KCNIP4: variants seen among roughly 807,000 people sequenced by gnomAD.
The protein encoded by KCNIP4 is potassium voltage-gated channel interacting protein 4, also known as Kv channel-interacting protein 4.
KCNIP4 carries 12 observed loss-of-function variants against 34.0 expected under a neutral mutation model. That is an observed-to-expected ratio of 0.35 (90% CI 0.23 to 0.57). KCNIP4 has a LOEUF of 0.57. Among genes scored for constraint, KCNIP4 ranks in the 20% least tolerant of loss-of-function variants. KCNIP4 has a pLI of 0.83. For synonymous variants in KCNIP4, 124 were observed against 102.2 expected (o/e 1.21, Z -1.29); for missense variants, 238 against 311.7 (o/e 0.76, Z 1.78).
intron 1 of KCNIP4, among the ~76,000 whole-genome samples, chr4:21,182,164 G>A (rs1754887461): frequency 6.6e-6 from 1 of 152,118 alleles, no homozygotes; most frequent in South Asian, 2.1e-4. Context: ...CTAGCCAAGG[G>A]TATTTGACAC....
chr4:21,513,564 A>T (rs959102992), intron 1 of KCNIP4, among the ~76,000 whole-genome samples: 20 of 152,206 alleles, frequency 1.3e-4, no homozygotes, highest in Admixed American at 3.3e-4. Flanking sequence ...ATTGTGTTCA[A>T]TGTATTAAAT....
chr4:21,759,113 G>A (rs1342670895), intron 1 of KCNIP4, among the ~76,000 whole-genome samples: 1 of 152,086 alleles, frequency 6.6e-6, no homozygotes, highest in Non-Finnish European at 1.5e-5. Flanking sequence ...TGAGAGAAAA[G>A]ATCATTGACT....
intron 3 of KCNIP4, among the ~76,000 whole-genome samples, chr4:20,771,077 T>G (rs1487600677): frequency 1.3e-5 from 2 of 152,214 alleles, no homozygotes; most frequent in African/African-American, 4.8e-5. Flanking sequence ...ATGTAAATAC[T>G]ACACCATTTC....
At chr4:21,489,424 A>C (rs1441670829) in intron 1 of KCNIP4, among the ~76,000 whole-genome samples, 1 of 152,128 alleles carries the variant, frequency 6.6e-6, no homozygotes, top group African/African-American at 2.4e-5. Context: ...CTTTTCAAAA[A>C]ACCTTTATTG....
chr4:21,235,558 A>G lies in KCNIP4; in HGVS notation c.62-352849T>C, dbSNP rs187600183. On this transcript the variant is annotated intron_variant, in intron 1 of 8. Transcript: ENST00000382152. ...CAAACGTCCCTCCTCAGAGATGCCAACTTGACTGGCTTATAGTATGACCCA... is the reference window on the plus strand; with the variant it reads ...CAAACGTCCCTCCTCAGAGATGCCAGCTTGACTGGCTTATAGTATGACCCA... 2.0e-3 allele frequency among the ~76,000 whole-genome samples: 303 copies of G among 152,270 alleles called. 4 individuals are homozygous for G. The highest frequency in any genetic ancestry group is 3.7e-4 in the Non-Finnish European group (25 of 68,022).
intron 3 of KCNIP4, among the ~76,000 whole-genome samples, chr4:20,778,852 TAGAG>T (rs1476628394): frequency 6.6e-6 from 1 of 152,164 alleles, no homozygotes; most frequent in African/African-American, 2.4e-5. Flanking sequence ...TGCCAATAGT[TAGAG>T]AGAGCTGTGT....
At chr4:21,019,468 T>C (rs2032305490) in intron 1 of KCNIP4, among the ~76,000 whole-genome samples, 1 of 152,130 alleles carries the variant, frequency 6.6e-6, no homozygotes, top group South Asian at 2.1e-4. Flanking sequence ...AATAACCTCA[T>C]ATTAACGGAA....
intron 1 of KCNIP4, among the ~76,000 whole-genome samples, chr4:21,837,711 G>T (rs914656506): frequency 6.6e-6 from 1 of 151,536 alleles, no homozygotes; most frequent in Non-Finnish European, 1.5e-5. Flanking sequence ...CCATGAAGTT[G>T]TTCAAAATGA....
At chr4:21,192,919 CT>C (rs61227716) in intron 1 of KCNIP4, among the ~76,000 whole-genome samples, 60,606 of 143,116 alleles carry the variant, frequency 0.42, 14,983 homozygotes, top group African/African-American at 0.7. Flanking sequence ...CCCGTCTCTA[CT>C]ACTACTACTA....
chr4:20,792,022 C>G (rs1712816422), intron 3 of KCNIP4, among the ~76,000 whole-genome samples: 1 of 152,306 alleles, frequency 6.6e-6, no homozygotes, highest in Admixed American at 6.5e-5. Context: ...TCTATATATA[C>G]ATCTATACAC....
intron 1 of KCNIP4, among the ~76,000 whole-genome samples, chr4:21,642,659 G>A (rs907551532): frequency 6.6e-6 from 1 of 151,988 alleles, no homozygotes; most frequent in Admixed American, 6.6e-5. Context: ...GTTCCAAAGA[G>A]AGGAATGCTT....
At chr4:21,621,786 T>C (rs1208126330) in intron 1 of KCNIP4, among the ~76,000 whole-genome samples, 1 of 152,138 alleles carries the variant, frequency 6.6e-6, no homozygotes, top group East Asian at 1.9e-4. Flanking sequence ...TAGAGGTACA[T>C]TATATAAAAG....
At chr4:21,498,729 C>T (rs1398439182) in intron 1 of KCNIP4, among the ~76,000 whole-genome samples, 3 of 152,134 alleles carry the variant, frequency 2.0e-5, no homozygotes, top group Admixed American at 1.3e-4. Flanking sequence ...CCTGTTGACA[C>T]CAAAACCAGT....
intron 1 of KCNIP4, among the ~76,000 whole-genome samples, chr4:21,337,969 A>G (rs1716341054): frequency 6.6e-6 from 1 of 152,116 alleles, no homozygotes. Flanking sequence ...GCTGCTGAAG[A>G]CCGGCTCTAT....
chr4:21,521,229 C>T (rs759715623), intron 1 of KCNIP4, among the ~76,000 whole-genome samples: 23 of 152,138 alleles, frequency 1.5e-4, no homozygotes, highest in Non-Finnish European at 3.1e-4. Flanking sequence ...ATATTAATAA[C>T]ACACACTAAG....
chr4:21,809,460 C>T (rs1020880584), intron 1 of KCNIP4, among the ~76,000 whole-genome samples: 5 of 152,158 alleles, frequency 3.3e-5, no homozygotes, highest in Admixed American at 2.0e-4. Context: ...CTCCATAATA[C>T]GTGATCTAAT....
chr4:21,849,545 A>G (rs968559850), intron 1 of KCNIP4: 1 of 152,150 alleles, frequency 6.6e-6, no homozygotes, highest in Non-Finnish European at 1.5e-5. Flanking sequence ...ACATCGTCCC[A>G]GCAGAAAAAA....
intron 1 of KCNIP4, among the ~76,000 whole-genome samples, chr4:20,891,845 A>G (rs1041164386): frequency 1.3e-5 from 2 of 152,286 alleles, no homozygotes; most frequent in Non-Finnish European, 2.9e-5. Context: ...CCCCAACCTA[A>G]TACTATGATG....
chr4:21,396,372 A>T (rs1361366465), intron 1 of KCNIP4, among the ~76,000 whole-genome samples: 2 of 151,770 alleles, frequency 1.3e-5, no homozygotes, highest in Non-Finnish European at 2.9e-5. Flanking sequence ...CCTGGCCAAG[A>T]TGGTGAAACT....
Sources: gnomAD v4.1 joint callset for allele counts (sites outside exome capture counted in the v4.1 genomes callset) on GRCh38, gnomAD v4.1.1 for gene constraint, MANE v1.5 for transcripts, NCBI Gene and HGNC (gene_info 2026-07-23, HGNC 2026-07-21) for gene names.